ARID1B: variants seen among roughly 807,000 people sequenced by gnomAD.
The protein encoded by ARID1B is AT-rich interaction domain 1B, also known as AT-rich interactive domain-containing protein 1B.
Under a neutral mutation model 212.3 loss-of-function variants are expected in ARID1B, and 30 were observed. The observed-to-expected ratio is 0.14, with a 90% confidence interval of 0.11 to 0.19. The LOEUF (loss-of-function observed/expected upper bound fraction) is 0.19. Among genes scored for constraint, ARID1B ranks in the 10% least tolerant of loss-of-function variants. ARID1B has a pLI of 1.00. For synonymous variants in ARID1B, 1,402 were observed against 1,301.7 expected, an observed-to-expected ratio of 1.08 and a Z score of -1.66; for missense variants, 2,891 against 3,204.0, an observed-to-expected ratio of 0.90 and a Z score of 2.36.
At chr6:156,933,092 A>G (rs1013748256) in intron 3 of ARID1B, among the ~76,000 whole-genome samples, 2 of 152,188 alleles carry the variant, frequency 1.3e-5, no homozygotes, top group Non-Finnish European at 2.9e-5. Flanking sequence ...TCTAAATTGA[A>G]ATGTTTATCC....
intron 4 of ARID1B, among the ~76,000 whole-genome samples, chr6:157,039,173 C>T (rs1287295664): frequency 3.3e-5 from 5 of 151,980 alleles, no homozygotes; most frequent in Non-Finnish European, 7.4e-5. Flanking sequence ...CTGCTCCTGA[C>T]CTCATAGCCT....
intron 2 of ARID1B, among the ~76,000 whole-genome samples, chr6:156,892,043 CTTT>C (rs1047406340): frequency 3.3e-4 from 38 of 115,166 alleles, no homozygotes; most frequent in African/African-American, 1.2e-3. Context: ...AGCGAATTTT[CTTT>C]TTTTTTTTTT....
intron 2 of ARID1B, among the ~76,000 whole-genome samples, chr6:156,858,878 G>T (rs1316212341): frequency 6.6e-6 from 1 of 152,190 alleles, no homozygotes; most frequent in Non-Finnish European, 1.5e-5. Context: ...TGGTTCACCT[G>T]TGTAGGGCAC....
chr6:156,906,877 T>C lies in ARID1B; in HGVS notation c.2136+5352T>C, dbSNP rs79032504. Among the ~76,000 whole-genome samples the C allele has an allele frequency of 4.4e-3, 675 of 152,308 alleles. 5 individuals carry two copies. Among genetic ancestry groups the C allele is most frequent in the African/African-American group, 0.015 (631 of 41,550 alleles). ...TTAGGATTATTCTTACATACCTTAT[T>C]TTTTGTTGCTATTGTAAATGGTATC... On this transcript the variant is annotated intron_variant, in intron 3 of 19. Transcript: ENST00000636930.
At chr6:156,869,856 C>T (rs1021259606) in intron 2 of ARID1B, among the ~76,000 whole-genome samples, 1 of 152,180 alleles carries the variant, frequency 6.6e-6, no homozygotes, top group Non-Finnish European at 1.5e-5. Flanking sequence ...TTAACAACTT[C>T]AGACATCTGT....
intron 1 of ARID1B, among the ~76,000 whole-genome samples, chr6:156,818,876 A>C (rs945678308): frequency 6.6e-6 from 1 of 152,080 alleles, no homozygotes; most frequent in Admixed American, 6.6e-5. Context: ...GAGGGTTTCC[A>C]TGCCTCATTG....
In ARID1B at chr6:156,935,464, A is replaced by G. The variant is rs761518007; in HGVS notation, c.2137-2A>G. ...GTGCTTTGTGTTTGTGTTTTTTTTT[A>G]GGACATGTCTCAGGAAGGCTATGGA... On this transcript the variant is annotated splice_acceptor_variant, in intron 3 of 19. Transcript: ENST00000636930. LOFTEE classifies it high-confidence loss of function. 2 of 1,601,982 alleles carry G rather than the reference A, an allele frequency of 1.2e-6. No individual in the cohort carries two copies. The highest frequency in any genetic ancestry group is 1.7e-6 in the Non-Finnish European group (2 of 1,172,160).
chr6:156,963,298 T>C (rs1316110466), intron 4 of ARID1B, among the ~76,000 whole-genome samples: 1 of 152,210 alleles, frequency 6.6e-6, no homozygotes, highest in Non-Finnish European at 1.5e-5. Flanking sequence ...CTCTACTGGT[T>C]ATCCTAATCA....
chr6:156,823,031 A>G (rs111708415), intron 1 of ARID1B, among the ~76,000 whole-genome samples: 4 of 152,336 alleles, frequency 2.6e-5, no homozygotes, highest in African/African-American at 9.6e-5. Flanking sequence ...GCAACTATCT[A>G]CAGGCCACTG....
intron 2 of ARID1B, among the ~76,000 whole-genome samples, chr6:156,869,392 A>G (rs943393819): frequency 3.9e-5 from 6 of 152,222 alleles, no homozygotes; most frequent in Non-Finnish European, 5.9e-5. Context: ...TGAAATTTGC[A>G]TGTGAATTTT....
At chr6:157,125,427 GGTAC>G (rs1788069014) in intron 6 of ARID1B, among the ~76,000 whole-genome samples, 1 of 152,130 alleles carries the variant, frequency 6.6e-6, no homozygotes, top group Non-Finnish European at 1.5e-5. Flanking sequence ...CAAGTAAAAG[GGTAC>G]CTCAAGTGAC....
chr6:156,948,883 G>A (rs781667060), intron 4 of ARID1B, among the ~76,000 whole-genome samples: 3 of 152,162 alleles, frequency 2.0e-5, no homozygotes, highest in Admixed American at 6.5e-5. Flanking sequence ...AGAGAACCAC[G>A]TACCTATAGT....
At chr6:157,123,247 C>CCCCCCCCCCCCCCCA (rs1554299918) in intron 6 of ARID1B, among the ~76,000 whole-genome samples, 1 of 111,766 alleles carries the variant, frequency 8.9e-6, no homozygotes, top group Non-Finnish European at 1.8e-5. Flanking sequence ...CGCCCCCCCC[C>CCCCCCCCCCCCCCCA]CACACACACA....
chr6:157,154,568 G>GGTTTT (rs1554226931), intron 8 of ARID1B, among the ~76,000 whole-genome samples: 3 of 118,508 alleles, frequency 2.5e-5, no homozygotes, highest in African/African-American at 9.3e-5. Context: ...CTGCTCTTCT[G>GGTTTT]TTTTTTTTTT....
At chr6:157,037,638 C>T (rs1329003738) in intron 4 of ARID1B, among the ~76,000 whole-genome samples, 1 of 152,172 alleles carries the variant, frequency 6.6e-6, no homozygotes, top group Non-Finnish European at 1.5e-5. Context: ...TTAAAGATAA[C>T]TTTCTCCTAT....
intron 2 of ARID1B, among the ~76,000 whole-genome samples, chr6:156,840,702 ATGC>A (rs1457396727): frequency 1.3e-5 from 2 of 152,164 alleles, no homozygotes; most frequent in Non-Finnish European, 2.9e-5. Context: ...TGTGTTTTTA[ATGC>A]TGCTTTTAGA....
intron 3 of ARID1B, among the ~76,000 whole-genome samples, chr6:156,913,119 A>G (rs1790034566): frequency 6.6e-6 from 1 of 151,400 alleles, no homozygotes; most frequent in Admixed American, 6.6e-5. Flanking sequence ...ACTACATTGT[A>G]GAGTGAGTAC....
At chr6:156,949,508 T>A (rs1793420362) in intron 4 of ARID1B, among the ~76,000 whole-genome samples, 1 of 152,246 alleles carries the variant, frequency 6.6e-6, no homozygotes, top group African/African-American at 2.4e-5. Flanking sequence ...TTCCAGGGCC[T>A]GTCAGGGCTG....
Position 156,829,434 on chromosome 6 carries a change from C to T in ARID1B, c.1986+13C>T, listed in dbSNP as rs1021322316. ...CCCTCAGCAGCAGGTTTGTGCTGGT[C>T]CCCCGACCCGCTGCTTTTTTGTAAT... On this transcript the variant is annotated intron_variant, in intron 2 of 19. Coordinates refer to ENST00000636930, the MANE Select transcript of ARID1B (RefSeq NM_001374828.1). 6.2e-7 allele frequency: 1 copy of T among 1,607,022 alleles called. No individual in the cohort carries two copies. The highest frequency in any genetic ancestry group is 8.5e-7 in the Non-Finnish European group (1 of 1,176,084).
Sources: allele counts gnomAD v4.1 joint callset (sites outside exome capture counted in the v4.1 genomes callset), GRCh38; gene constraint gnomAD v4.1.1; transcripts MANE v1.5; gene names NCBI Gene and HGNC (gene_info 2026-07-23, HGNC 2026-07-21).